The following CSNK2A2IP variants were observed in gnomAD, a reference collection of about 807,000 sequenced individuals.
CSNK2A2IP encodes casein kinase II subunit alpha'-interacting protein.
chr3:88,380,122 T>C, the CSNK2A2IP span, among the ~76,000 whole-genome samples: 6 of 152,088 alleles, frequency 3.9e-5, no homozygotes, highest in African/African-American at 1.4e-4. Context: ...CAATTCTCCA[T>C]TGTTATAAAT....
the CSNK2A2IP span, among the ~76,000 whole-genome samples, chr3:88,399,465 A>T: frequency 6.6e-6 from 1 of 152,226 alleles, no homozygotes. Context: ...ACTCAAAAAT[A>T]CAGACCAATA....
the CSNK2A2IP span, among the ~76,000 whole-genome samples, chr3:88,433,044 G>A: frequency 6.6e-6 from 1 of 151,748 alleles, no homozygotes; most frequent in East Asian, 1.9e-4. Context: ...ATTTTATACT[G>A]AATTATACTA....
the CSNK2A2IP span, among the ~76,000 whole-genome samples, chr3:88,394,406 C>G: frequency 1.3e-3 from 202 of 152,224 alleles, 2 homozygotes; most frequent in African/African-American, 4.5e-3. Flanking sequence ...CAGTTTTGCT[C>G]TTGTTGCCCA....
the CSNK2A2IP span, among the ~76,000 whole-genome samples, chr3:88,359,025 C>T: frequency 1.3e-5 from 2 of 149,462 alleles, no homozygotes; most frequent in African/African-American, 2.5e-5. Flanking sequence ...TATGTAAGTA[C>T]ACTTACGCGT....
At chr3:88,391,855 G>A in the CSNK2A2IP span, among the ~76,000 whole-genome samples, 3 of 152,112 alleles carry the variant, frequency 2.0e-5, no homozygotes, top group African/African-American at 7.2e-5. Context: ...TATGGCAAGA[G>A]TAACATGATC....
the CSNK2A2IP span, among the ~76,000 whole-genome samples, chr3:88,448,724 C>A: frequency 6.6e-6 from 1 of 152,160 alleles, no homozygotes; most frequent in Non-Finnish European, 1.5e-5. Context: ...CTACTCACAG[C>A]GAACCTGCAG....
the CSNK2A2IP span, among the ~76,000 whole-genome samples, chr3:88,416,616 C>G: frequency 6.6e-6 from 1 of 152,184 alleles, no homozygotes; most frequent in Non-Finnish European, 1.5e-5. Flanking sequence ...ACTTGCTATA[C>G]CATACCACGG....
the CSNK2A2IP span, among the ~76,000 whole-genome samples, chr3:88,443,600 C>T: frequency 1.3e-5 from 2 of 152,170 alleles, no homozygotes; most frequent in Admixed American, 1.3e-4. Context: ...AATTAGATGG[C>T]CTTTTATGTC....
At chr3:88,380,054 A>G in the CSNK2A2IP span, among the ~76,000 whole-genome samples, 1 of 152,178 alleles carries the variant, frequency 6.6e-6, no homozygotes, top group Non-Finnish European at 1.5e-5. Context: ...GTAAATGTAT[A>G]GAATATCAAT....
At chr3:88,404,002 T>A in the CSNK2A2IP span, among the ~76,000 whole-genome samples, 1 of 152,018 alleles carries the variant, frequency 6.6e-6, no homozygotes, top group South Asian at 2.1e-4. Flanking sequence ...GGAGACAAGT[T>A]CCACATACTT....
chr3:88,348,603 G>A, the CSNK2A2IP span, among the ~76,000 whole-genome samples: 1 of 152,042 alleles, frequency 6.6e-6, no homozygotes, highest in Non-Finnish European at 1.5e-5. Context: ...AGAGTAGTGA[G>A]AACATTCAGC....
the CSNK2A2IP span, among the ~76,000 whole-genome samples, chr3:88,341,504 T>A: frequency 1.3e-5 from 2 of 151,824 alleles, no homozygotes; most frequent in Non-Finnish European, 2.9e-5. Context: ...TGTTTCCTCA[T>A]CTGTAAGATG....
the CSNK2A2IP span, among the ~76,000 whole-genome samples, chr3:88,351,993 A>G: frequency 5.5e-4 from 83 of 152,218 alleles, no homozygotes; most frequent in African/African-American, 1.9e-3. Context: ...TAATCTCCAC[A>G]ATACAACCAC....
At chr3:88,456,760 C>T in the CSNK2A2IP span, among the ~76,000 whole-genome samples, 2 of 150,956 alleles carry the variant, frequency 1.3e-5, no homozygotes, top group African/African-American at 2.4e-5. Context: ...AAAAAATCTG[C>T]TGTTTTAATA....
chr3:88,367,806 GT>G, the CSNK2A2IP span, among the ~76,000 whole-genome samples: 1 of 152,044 alleles, frequency 6.6e-6, no homozygotes, highest in Non-Finnish European at 1.5e-5. Context: ...GCAAAGGCTG[GT>G]TGAACTAAAC....
chr3:88,407,817 A>G, the CSNK2A2IP span, among the ~76,000 whole-genome samples: 5,077 of 152,022 alleles, frequency 0.033, 285 homozygotes, highest in African/African-American at 0.11. Flanking sequence ...TCCGCCTCCC[A>G]GGTTCAAGTA....
chr3:88,355,231 T>C, the CSNK2A2IP span, among the ~76,000 whole-genome samples: 1 of 152,112 alleles, frequency 6.6e-6, no homozygotes, highest in Non-Finnish European at 1.5e-5. Context: ...GTAGAGTAGA[T>C]TGAGTTTAGA....
chr3:88,356,309 A>T, the CSNK2A2IP span, among the ~76,000 whole-genome samples: 5 of 148,758 alleles, frequency 3.4e-5, no homozygotes, highest in Non-Finnish European at 4.5e-5. Context: ...CATGGATTCA[A>T]TTTTTTTTTT....
the CSNK2A2IP span, among the ~76,000 whole-genome samples, chr3:88,453,481 A>T: frequency 6.6e-6 from 1 of 152,158 alleles, no homozygotes; most frequent in Non-Finnish European, 1.5e-5. Context: ...ACATATATAA[A>T]TACTAAATGC....
Sources: allele counts gnomAD v4.1 joint callset (sites outside exome capture counted in the v4.1 genomes callset), GRCh38; gene constraint gnomAD v4.1.1; transcripts MANE v1.5; gene names NCBI Gene and HGNC (gene_info 2026-07-23, HGNC 2026-07-21).